The following KCNA4 variants were observed in gnomAD, a reference collection of about 807,000 sequenced individuals.
The protein encoded by KCNA4 is cardiac potassium channel.
Under a neutral mutation model 37.2 loss-of-function variants are expected in KCNA4, and 5 were observed. That is an observed-to-expected ratio of 0.13 (90% CI 0.07 to 0.28). The LOEUF is 0.28. Among genes scored for constraint, KCNA4 ranks in the 10% least tolerant of loss-of-function variants. The probability of loss-of-function intolerance (pLI) is 1.00; values close to 1 mark genes in which losing one functional copy is unlikely to be tolerated. For synonymous variants in KCNA4, 350 were observed against 311.8 expected (o/e 1.12, Z -1.29); for missense variants, 634 against 817.4 (o/e 0.78, Z 2.74).
rs2133452089 is a variant in KCNA4, at chr11:30,009,798, AGAG to A, written c.*916_*918del. The A allele has an allele frequency of 6.6e-6, 1 of 152,328 alleles. No homozygotes were observed. Among genetic ancestry groups the A allele is most frequent in the East Asian group, 1.9e-4 (1 of 5,188 alleles). 9.4% of individuals were successfully genotyped at this position (152,328 alleles called of 1,614,324 possible). A position where few individuals can be genotyped will look rare whatever the true frequency, so the allele number is the denominator to read the frequency against. ...GTCAATCAGTTATTTAGATTTTAAA[AGAG>A]GAGAGAATCCTGTGATGTTATCTGC... is the stretch of plus-strand genomic sequence containing the variant. On this transcript the variant is annotated 3_prime_UTR_variant, in exon 2 of 2. Transcript: ENST00000328224.
chr11:30,012,014 T>C lies in KCNA4; in HGVS notation c.665A>G (p.Asp222Gly). 1 of 1,614,062 alleles carries C rather than the reference T, an allele frequency of 6.2e-7. No individual in the cohort carries two copies. The highest frequency in any genetic ancestry group is 8.5e-7 in the Non-Finnish European group (1 of 1,180,006). The change falls in exon 2 of 2, where the codon GAC (aspartate) becomes GGC (glycine). Residue 222 changes from aspartate (D) to glycine (G), a missense_variant. Physicochemically the swap from Asp to Gly is moderately conservative, Grantham distance 94. This residue lies in a region of KCNA4 where 252 missense variants were observed against 344.2 expected (regional missense o/e 0.73). Coordinates refer to ENST00000328224, the MANE Select transcript of KCNA4 (RefSeq NM_002233.4). ...FDPLRNEYFF[D>G]RNRPSFDAIL... ...GGCATCAAAGCTGGGGCGGTTCCTG[T>C]CAAAAAAATACTCATTGCGCAAAGG...
intron 1 of KCNA4, among the ~76,000 whole-genome samples, chr11:30,016,059 C>T (rs1850347356): frequency 6.6e-6 from 1 of 152,018 alleles, no homozygotes; most frequent in African/African-American, 2.4e-5. Context: ...GAAAAGCCAC[C>T]ACCGTGAGAA....
chr11:30,012,597 G>T lies in KCNA4; in HGVS notation c.82C>A (p.Arg28=). Residue 28 remains arginine, a synonymous_variant, in exon 2 of 2, where the codon CGG becomes AGG. Transcript: ENST00000328224. ...PYGYAAQARA[R]ERERLAHSRA... ...GAGTGAGCAAGCCTCTCCCGCTCCC[G>T]GGCCCGGGCCTGGGCAGCATAACCA... 1 of 1,607,802 alleles carries T rather than the reference G, an allele frequency of 6.2e-7. No homozygotes were observed.
rs1381682395 is a variant in KCNA4, at chr11:30,012,184, G to A, written c.495C>T (p.Gly165=). 23 of 1,614,030 alleles carry A rather than the reference G, an allele frequency of 1.4e-5. No individual in the cohort carries two copies. Among genetic ancestry groups the A allele is most frequent in the Admixed American group, 5.0e-5 (3 of 59,994 alleles). The part of the protein sequence containing the change: ...DLLPQDEGGG[G]YSSVRYSDCC... ...AGTCACTGTAGCGGACTGAACTGTAGCCGCCACCGCCCTCATCCTGAGGCA... is the reference window on the plus strand; with the variant it reads ...AGTCACTGTAGCGGACTGAACTGTAACCGCCACCGCCCTCATCCTGAGGCA... Residue 165 remains glycine, a synonymous_variant, in exon 2 of 2, where the codon GGC becomes GGT. Transcript: ENST00000328224.
Position 30,012,248 on chromosome 11 carries a change from T to G in KCNA4, c.431A>C (p.Glu144Ala). The G allele has an allele frequency of 1.2e-6, 2 of 1,614,080 alleles. No individual in the cohort carries two copies. The highest frequency in any genetic ancestry group is 4.5e-5 in the East Asian group (2 of 44,850). ...GGAACACTCATCACCATGGTCATCT[T>G]CACTATAGTAAAACCTTCCCTCCTC... ...EEEEGRFYYS[E>A]DDHGDECSYT... Residue 144 changes from glutamate to alanine, a missense_variant, in exon 2 of 2, where the codon GAA becomes GCA. Around this residue, in one of 8 missense-constraint regions of KCNA4, gnomAD observed 236 missense variants for 229.5 expected, o/e 1.03. Coordinates refer to ENST00000328224, the MANE Select transcript of KCNA4 (RefSeq NM_002233.4).
rs776273189 is a variant in KCNA4 at position 30,011,670 on chromosome 11, C to A, written c.1009G>T (p.Asp337Tyr). 6.2e-7 allele frequency: 1 copy of A among 1,614,084 alleles called. No homozygotes were observed. The highest frequency in any genetic ancestry group is 8.5e-7 in the Non-Finnish European group (1 of 1,180,040). ...ETLPEFRDDR[D>Y]LVMALSAGGH... ...CCAGCACTCAGTGCCATGACGAGAT[C>A]CCTGTCGTCCCTAAACTCAGGCAAG... Residue 337 changes from aspartate (D) to tyrosine (Y), a missense_variant, in exon 2 of 2, where the codon GAT becomes TAT. Physicochemically the swap from Asp to Tyr is radical, Grantham distance 160. Transcript: ENST00000328224. The surrounding 1 kb of genome is among the most constrained non-coding windows in gnomAD (Gnocchi z 5.6).
chr11:30,010,429 C>A lies in KCNA4; in HGVS notation c.*288G>T. 1 of 436,190 alleles carries A rather than the reference C, an allele frequency of 2.3e-6. No homozygotes were observed. Among genetic ancestry groups the A allele is most frequent in the Non-Finnish European group, 4.0e-6 (1 of 247,916 alleles). The allele number at this position is 436,190 out of a possible 1,614,324, so 27.0% of individuals were successfully genotyped here. A position where few individuals can be genotyped will look rare whatever the true frequency, so the allele number is the denominator to read the frequency against. ...ATATACACACACACGCACACACTCT[C>A]TCTCTCCATCTTTACTGTTAACATC... On this transcript the variant is annotated 3_prime_UTR_variant, in exon 2 of 2. Transcript: ENST00000328224.
rs1564935851 is a variant in KCNA4, at chr11:30,011,648, G to A, written c.1031C>T (p.Ala344Val). The A allele has an allele frequency of 6.2e-7, 1 of 1,614,068 alleles. No individual in the cohort carries two copies. The highest frequency in any genetic ancestry group is 2.2e-5 in the East Asian group (1 of 44,872). The part of the protein sequence containing the change: ...DDRDLVMALS[A>V]GGHGGLLNDT... ...ATTCAACAACCCACCATGCCCGCCAGCACTCAGTGCCATGACGAGATCCCT... is the reference window on the plus strand; with the variant it reads ...ATTCAACAACCCACCATGCCCGCCAACACTCAGTGCCATGACGAGATCCCT... Residue 344 changes from alanine (A) to valine (V), a missense_variant, in exon 2 of 2, where the codon GCT (alanine) becomes GTT (valine). Transcript: ENST00000328224. This position sits in a 1 kb window ranked among gnomAD's most constrained non-coding sequence, Gnocchi z 5.6.
rs763004703 is a variant in KCNA4, at chr11:30,011,875, C to T, written c.804G>A (p.Lys268=). The T allele has an allele frequency of 2.5e-6, 4 of 1,614,148 alleles. No homozygotes were observed. The highest frequency in any genetic ancestry group is 3.4e-6 in the Non-Finnish European group (4 of 1,180,020). The change falls in exon 2 of 2, where the codon AAG becomes AAA. Residue 268 remains lysine (K), a synonymous_variant. Transcript: ENST00000328224. This position sits in a 1 kb window ranked among gnomAD's most constrained non-coding sequence, Gnocchi z 5.6. The stretch of plus-strand genomic sequence containing the variant: ...TCACAAAGCCCTCGTCCTCCCGAAA[C>T]TTCAACAGGGCCTCCTCCCCCAACT... The part of the protein sequence containing the change: ...FYQLGEEALL[K]FREDEGFVRE...
chr11:30,014,425 A>G (rs1850333320), intron 1 of KCNA4, among the ~76,000 whole-genome samples: 1 of 152,088 alleles, frequency 6.6e-6, no homozygotes, highest in Non-Finnish European at 1.5e-5. Context: ...CGGTCACTCC[A>G]TGTTCACCTC....
intron 1 of KCNA4, among the ~76,000 whole-genome samples, chr11:30,015,734 T>C (rs1850344441): frequency 6.6e-6 from 1 of 152,184 alleles, no homozygotes. Flanking sequence ...ATCTCTCTTC[T>C]TTCTCAAGGT....
chr11:30,012,497 G>C lies in KCNA4; in HGVS notation c.182C>G (p.Ser61Cys). 6.2e-7 allele frequency: 1 copy of C among 1,610,164 alleles called. No individual in the cohort carries two copies. Among genetic ancestry groups the C allele is most frequent in the African/African-American group, 1.3e-5 (1 of 74,986 alleles). The change falls in exon 2 of 2, where the codon TCC becomes TGC. Residue 61 changes from serine (S) to cysteine (C), a missense_variant. Ser to Cys is a moderately radical substitution (Grantham distance 112, BLOSUM62 -1). Around this residue, in one of 8 missense-constraint regions of KCNA4, gnomAD observed 236 missense variants for 229.5 expected, o/e 1.03. Transcript: ENST00000328224. ...VEGSGGSGGG[S>C]HHHHQSRGAC... ...CCCGCGTGACTGGTGGTGGTGGTGG[G>C]AGCCCCCACCAGAACCCCCGCTACC...
At position 30,017,000 on chromosome 11, in the gene KCNA4, C is replaced by T. The variant is rs753787306; in HGVS notation, c.-1211G>A. The T allele has an allele frequency of 3.6e-4, 142 of 398,574 alleles. No individual in the cohort carries two copies. Among genetic ancestry groups the T allele is most frequent in the Non-Finnish European group, 5.8e-4 (130 of 226,074 alleles). 24.7% of individuals were successfully genotyped at this position (398,574 alleles called of 1,614,324 possible). ...TCGCTCTCGCTGGCTGCGGGAGCAG[C>T]ACACGCCTCCCCTGGCCGCGAACGC... On this transcript the variant is annotated 5_prime_UTR_variant, in exon 1 of 2. Coordinates refer to ENST00000328224, the MANE Select transcript of KCNA4 (RefSeq NM_002233.4).
chr11:30,011,363 G>A lies in KCNA4; in HGVS notation c.1316C>T (p.Ser439Phe). The change falls in exon 2 of 2, where the codon TCC becomes TTC. Residue 439 changes from serine (S) to phenylalanine (F), a missense_variant. Ser to Phe is a radical substitution (Grantham distance 155). Around this residue, in one of 8 missense-constraint regions of KCNA4, gnomAD observed 252 missense variants for 344.2 expected, o/e 0.73. Coordinates refer to ENST00000328224, the MANE Select transcript of KCNA4 (RefSeq NM_002233.4). The surrounding 1 kb of genome is among the most constrained non-coding windows in gnomAD (Gnocchi z 5.6). Reference sequence around the variant, plus strand: ...ACGAATGATTCTGAGGATGGCAAAGGACATGGCCTGCTGCTGCTGACCATT... The same window carrying A: ...ACGAATGATTCTGAGGATGGCAAAGAACATGGCCTGCTGCTGCTGACCATT... ...GGNGQQQQAM[S>F]FAILRIIRLV... The A allele has an allele frequency of 6.2e-7, 1 of 1,614,152 alleles. No individual in the cohort carries two copies. Among genetic ancestry groups the A allele is most frequent in the Non-Finnish European group, 8.5e-7 (1 of 1,180,042 alleles).
In KCNA4 at chr11:30,012,953, G is replaced by A. The variant is rs896802498; in HGVS notation, c.-275C>T. The A allele has an allele frequency of 2.5e-5, 9 of 359,118 alleles. No homozygotes were observed. Among genetic ancestry groups the A allele is most frequent in the Non-Finnish European group, 4.6e-5 (9 of 194,328 alleles). 22.2% of individuals were successfully genotyped at this position (359,118 alleles called of 1,614,324 possible). On this transcript the variant is annotated 5_prime_UTR_variant, in exon 2 of 2. Coordinates refer to ENST00000328224, the MANE Select transcript of KCNA4 (RefSeq NM_002233.4). The stretch of plus-strand genomic sequence containing the variant: ...CAAGACTAAGAAGTCCGAAAATGCT[G>A]GAGTCTCTCAGACACCTATGTTTTG...
In KCNA4 at chr11:30,010,899, G is replaced by A; in HGVS notation, c.1780C>T (p.Leu594Phe). The change falls in exon 2 of 2, where the codon CTC becomes TTC. Residue 594 changes from leucine to phenylalanine, a missense_variant. Leu to Phe is a conservative substitution (Grantham distance 22). Around this residue, in one of 8 missense-constraint regions of KCNA4, gnomAD observed 91 missense variants for 95.8 expected, o/e 0.95. Transcript: ENST00000328224. ...GAAGTAGAGCTCCGAAATTTCTTGA[G>A]CAAATTAGAGGGGAGGTATGGACAA... is the stretch of plus-strand genomic sequence containing the variant. ...VSCPYLPSNL[L>F]KKFRSSTSSS... is the part of the protein sequence containing the mutation. The A allele has an allele frequency of 6.2e-7, 1 of 1,614,184 alleles. No individual in the cohort carries two copies. The highest frequency in any genetic ancestry group is 1.6e-4 in the Middle Eastern group (1 of 6,062).
intron 1 of KCNA4, among the ~76,000 whole-genome samples, chr11:30,015,563 T>C (rs765456069): frequency 2.2e-4 from 34 of 152,318 alleles, no homozygotes; most frequent in Non-Finnish European, 4.4e-4. Context: ...TTGTTAGTTT[T>C]TGTTTATCTA....
At position 30,011,746 on chromosome 11, in the gene KCNA4, A is replaced by G. The variant is rs1850305701; in HGVS notation, c.933T>C (p.Ile311=). 6.2e-7 allele frequency: 1 copy of G among 1,614,094 alleles called. No homozygotes were observed. The highest frequency in any genetic ancestry group is 2.2e-5 in the East Asian group (1 of 44,858). Reference sequence around the variant, plus strand: ...AGATTAAGATGACCAGGACGGACACAATGGCTATGCCCCTTGCAGGACTGG... The same window carrying G: ...AGATTAAGATGACCAGGACGGACACGATGGCTATGCCCCTTGCAGGACTGG... ...ESSSPARGIA[I]VSVLVILISI... is the part of the protein sequence containing the mutation. Residue 311 remains isoleucine, a synonymous_variant, in exon 2 of 2, where the codon ATT becomes ATC. Transcript: ENST00000328224. The surrounding 1 kb of genome is among the most constrained non-coding windows in gnomAD (Gnocchi z 5.6).
rs754154324 is a variant in KCNA4, at chr11:30,011,290, G to A, written c.1389C>T (p.Gly463=). 6.2e-7 allele frequency: 1 copy of A among 1,614,122 alleles called. No individual in the cohort carries two copies. The highest frequency in any genetic ancestry group is 8.5e-7 in the Non-Finnish European group (1 of 1,180,030). Residue 463 remains glycine, a synonymous_variant, in exon 2 of 2, where the codon GGC becomes GGT. Coordinates refer to ENST00000328224, the MANE Select transcript of KCNA4 (RefSeq NM_002233.4). The surrounding 1 kb of genome is among the most constrained non-coding windows in gnomAD (Gnocchi z 5.6). ...TGAGGGTGTGGCCCAGGATCTGCAG[G>A]CCTTTGGAGTGCCTGGAGAGTTTGA... ...RIFKLSRHSK[G]LQILGHTLRA... is the part of the protein sequence containing the mutation.
Sources: gnomAD v4.1 joint callset for allele counts (sites outside exome capture counted in the v4.1 genomes callset) on GRCh38, gnomAD v4.1.1 for gene constraint, gnomAD v4.1.1 regional missense constraint, Gnocchi (gnomAD v3.1) non-coding constraint, MANE v1.5 for transcripts, NCBI Gene and HGNC (gene_info 2026-07-23, HGNC 2026-07-21) for gene names.